Variants in VPS18 observed in about 807,000 individuals in gnomAD.
VPS18 encodes the protein VPS18 core subunit of CORVET and HOPS complexes.
VPS18 carries 25 observed loss-of-function variants against 82.0 expected under a neutral mutation model. That is an observed-to-expected ratio of 0.30 (90% CI 0.22 to 0.43). VPS18 has a LOEUF of 0.43. VPS18 is among the 20% of genes least tolerant of loss of function. VPS18 has a pLI of 1.00. For synonymous variants in VPS18, 523 were observed against 543.0 expected, an observed-to-expected ratio of 0.96 and a Z score of 0.51; for missense variants, 1,168 against 1,311.1, an observed-to-expected ratio of 0.89 and a Z score of 1.69.
In VPS18 at chr15:40,903,645, G is replaced by C. The variant is rs1315035880; in HGVS notation, c.*304G>C. 3.5e-6 allele frequency: 1 copy of C among 286,860 alleles called. No individual in the cohort carries two copies. The highest frequency in any genetic ancestry group is 2.2e-5 in the African/African-American group (1 of 45,742). The allele number at this position is 286,860 out of a possible 1,614,324, so 17.8% of individuals were successfully genotyped here. ...ACCCCCTGCCTCTAGCACCTCTTCT[G>C]TCCCTGTCATTCCCCACACACGTCC... On this transcript the variant is annotated 3_prime_UTR_variant, in exon 5 of 5. Transcript: ENST00000220509.
At position 40,899,670 on chromosome 15, in the gene VPS18, C is replaced by T. The variant is rs775470341; in HGVS notation, c.852C>T (p.Phe284=). The T allele has an allele frequency of 1.5e-5, 25 of 1,613,640 alleles. No homozygotes were observed. The highest frequency in any genetic ancestry group is 4.0e-5 in the African/African-American group (3 of 74,946). Residue 284 remains phenylalanine, a synonymous_variant, in exon 4 of 5, where the codon TTC becomes TTT. Transcript: ENST00000220509. The surrounding 1 kb of genome is among the most constrained non-coding windows in gnomAD (Gnocchi z 4.4). ...TPKLRSAPRA[F]AWMMGDGVLY... is the part of the protein sequence containing the mutation. ...AGCTGCGCTCCGCACCCCGGGCCTT[C>T]GCCTGGATGATGGGGGATGGTGTGT...
chr15:40,899,453 G>A lies in VPS18; in HGVS notation c.635G>A (p.Arg212Gln), dbSNP rs747757737. 1.5e-5 allele frequency: 24 copies of A among 1,607,072 alleles called. No homozygotes were observed. The highest frequency in any genetic ancestry group is 1.1e-4 in the South Asian group (10 of 90,794). Residue 212 changes from arginine to glutamine, a missense_variant, in exon 4 of 5, where the codon CGG becomes CAG. Arg to Gln is a conservative substitution (Grantham distance 43, BLOSUM62 1). Coordinates refer to ENST00000220509, the MANE Select transcript of VPS18 (RefSeq NM_020857.3). The surrounding 1 kb of genome is among the most constrained non-coding windows in gnomAD (Gnocchi z 4.4). The stretch of plus-strand genomic sequence containing the variant: ...CCTGTGTGCTCCCTTGAGGCCGAGC[G>A]GGGCCCTGATGGGCGTAGCTTTGTT... ...PAPVCSLEAE[R>Q]GPDGRSFVIA... is the part of the protein sequence containing the mutation.
chr15:40,897,423 GACACAT>G (rs2142036269), intron 2 of VPS18, among the ~76,000 whole-genome samples: 1 of 152,164 alleles, frequency 6.6e-6, no homozygotes, highest in South Asian at 2.1e-4. Context: ...TACAAATTAA[GACACAT>G]ACACATATGT....
At position 40,900,498 on chromosome 15, in the gene VPS18, A is replaced by G. The variant is rs1282115735; in HGVS notation, c.1680A>G (p.Ala560=). The G allele has an allele frequency of 6.2e-7, 1 of 1,614,118 alleles. No individual in the cohort carries two copies. Among genetic ancestry groups the G allele is most frequent in the South Asian group, 1.1e-5 (1 of 91,080 alleles). Residue 560 remains alanine (A), a synonymous_variant, in exon 4 of 5, where the codon GCA becomes GCG. Coordinates refer to ENST00000220509, the MANE Select transcript of VPS18 (RefSeq NM_020857.3). The surrounding 1 kb of genome is among the most constrained non-coding windows in gnomAD (Gnocchi z 5.4). ...ACACAGAACACATGGTGTACTTTGC[A>G]GTGATCATGCAGGACTATGAGCGGG... The part of the protein sequence containing the change: ...HGDTEHMVYF[A]VIMQDYERVV...
At chr15:40,897,567 ATTCT>A (rs1252725776) in intron 2 of VPS18, among the ~76,000 whole-genome samples, 14 of 152,352 alleles carry the variant, frequency 9.2e-5, no homozygotes, top group East Asian at 1.9e-4. Context: ...AAATTAAGTC[ATTCT>A]TTATACATCT....
In VPS18 at chr15:40,899,502, C is replaced by T. The variant is rs753918146; in HGVS notation, c.684C>T (p.Leu228=). The change falls in exon 4 of 5, where the codon CTC becomes CTT. Residue 228 remains leucine (L), a synonymous_variant. Coordinates refer to ENST00000220509, the MANE Select transcript of VPS18 (RefSeq NM_020857.3). The surrounding 1 kb of genome is among the most constrained non-coding windows in gnomAD (Gnocchi z 4.4). ...SFVIATTRQR[L]FQFIGRAAEG... ...TTATTGCCACCACTCGGCAGCGCCT[C>T]TTCCAGTTCATAGGCCGAGCAGCAG... is the stretch of plus-strand genomic sequence containing the variant. The T allele has an allele frequency of 3.1e-6, 5 of 1,611,606 alleles. No individual in the cohort carries two copies. In the African/African-American group the frequency reaches 6.7e-5, roughly 22 times the overall value.
chr15:40,899,739 C>T lies in VPS18; in HGVS notation c.921C>T (p.Ser307=), dbSNP rs781629270. The T allele has an allele frequency of 8.1e-6, 13 of 1,613,680 alleles. No homozygotes were observed. Among genetic ancestry groups the T allele is most frequent in the Admixed American group, 5.0e-5 (3 of 60,010 alleles). Residue 307 remains serine, a synonymous_variant, in exon 4 of 5, where the codon AGC becomes AGT. Transcript: ENST00000220509. The surrounding 1 kb of genome is among the most constrained non-coding windows in gnomAD (Gnocchi z 4.4). ...GTGGGCGCCCTGACTCTCTGCTGAGCGAGGAGCGAGTCTGGGAGTACCCAG... is the reference window on the plus strand; with the variant it reads ...GTGGGCGCCCTGACTCTCTGCTGAGTGAGGAGCGAGTCTGGGAGTACCCAG... ...LDCGRPDSLL[S]EERVWEYPEG... is the part of the protein sequence containing the mutation.
At chr15:40,898,250 G>T (rs774222543) in intron 2 of VPS18, among the ~76,000 whole-genome samples, 1 of 148,450 alleles carries the variant, frequency 6.7e-6, no homozygotes, top group South Asian at 2.1e-4. Context: ...CACCGCGCCC[G>T]GCCTTTTTTT....
chr15:40,899,057 G>A lies in VPS18; in HGVS notation c.325+59G>A. ...CTGGTCAGTCACTGCCTGGGTGGGT[G>A]GGCTCTGAGGGTGGTGTGGGGGCCA... On this transcript the variant is annotated intron_variant, in intron 3 of 4. Transcript: ENST00000220509. This position sits in a 1 kb window ranked among gnomAD's most constrained non-coding sequence, Gnocchi z 4.4. 1 of 1,603,640 alleles carries A rather than the reference G, an allele frequency of 6.2e-7. No homozygotes were observed. Among genetic ancestry groups the A allele is most frequent in the African/African-American group, 1.3e-5 (1 of 74,942 alleles).
intron 2 of VPS18, among the ~76,000 whole-genome samples, chr15:40,897,872 G>T (rs1406741071): frequency 6.6e-6 from 1 of 152,176 alleles, no homozygotes; most frequent in East Asian, 1.9e-4. Context: ...GAGCAGAGGG[G>T]AAAAACTTCT....
At position 40,899,991 on chromosome 15, in the gene VPS18, G is replaced by T. The variant is rs1892316837; in HGVS notation, c.1173G>T (p.Val391=). The T allele has an allele frequency of 6.2e-7, 1 of 1,614,076 alleles. No individual in the cohort carries two copies. The highest frequency in any genetic ancestry group is 1.1e-5 in the South Asian group (1 of 91,090). The change falls in exon 4 of 5, where the codon GTG becomes GTT. Residue 391 remains valine, a synonymous_variant. Transcript: ENST00000220509. The surrounding 1 kb of genome is among the most constrained non-coding windows in gnomAD (Gnocchi z 4.4). The part of the protein sequence containing the change: ...YTERAVFRYH[V]QREARDVWRT... ...AGCGGGCTGTCTTCCGCTACCACGT[G>T]CAACGGGAGGCCCGAGATGTCTGGC... is the stretch of plus-strand genomic sequence containing the variant.
rs1210959758 is a variant in VPS18 at position 40,902,642 on chromosome 15, T to C, written c.2223T>C (p.Cys741=). 1.2e-6 allele frequency: 2 copies of C among 1,613,848 alleles called. No individual in the cohort carries two copies. Among genetic ancestry groups the C allele is most frequent in the Non-Finnish European group, 8.5e-7 (1 of 1,179,894 alleles). Residue 741 remains cysteine (C), a synonymous_variant, in exon 5 of 5, where the codon TGT becomes TGC. Transcript: ENST00000220509. The surrounding 1 kb of genome is among the most constrained non-coding windows in gnomAD (Gnocchi z 4.2). ...TGGATGTGGACCTGGCCAAGCAGTG[T>C]GCAGACCTGCCTGAGGAGGATGAGG... ...LQVDVDLAKQ[C]ADLPEEDEEL... is the part of the protein sequence containing the mutation.
In VPS18 at chr15:40,903,436, C is replaced by G. The variant is rs1195876406; in HGVS notation, c.*95C>G. 1 of 1,472,498 alleles carries G rather than the reference C, an allele frequency of 6.8e-7. No homozygotes were observed. Among genetic ancestry groups the G allele is most frequent in the African/African-American group, 1.4e-5 (1 of 70,924 alleles). 91.2% of individuals were successfully genotyped at this position (1,472,498 alleles called of 1,614,324 possible). On this transcript the variant is annotated 3_prime_UTR_variant, in exon 5 of 5. Transcript: ENST00000220509. ...TCCTAGGCTCTGCTCAGTCATCTTG[C>G]AATTGCCACACTGTGACCACGTTGA...
Position 40,900,924 on chromosome 15 carries a change from G to A in VPS18, c.2106G>A (p.Arg702=). 1.2e-6 allele frequency: 2 copies of A among 1,613,522 alleles called. No homozygotes were observed. The highest frequency in any genetic ancestry group is 1.7e-6 in the Non-Finnish European group (2 of 1,180,042). Residue 702 remains arginine, a synonymous_variant, in exon 4 of 5, where the codon CGG becomes CGA. Coordinates refer to ENST00000220509, the MANE Select transcript of VPS18 (RefSeq NM_020857.3). The surrounding 1 kb of genome is among the most constrained non-coding windows in gnomAD (Gnocchi z 5.4). ...ATTACGACCTCAAGTATGCGCTGCGGCTCTGCGCCGAGCATGGCCACCACC... is the reference window on the plus strand; with the variant it reads ...ATTACGACCTCAAGTATGCGCTGCGACTCTGCGCCGAGCATGGCCACCACC... ...RVHYDLKYAL[R]LCAEHGHHRA... is the part of the protein sequence containing the mutation.
rs1296037124 is a variant in VPS18 at position 40,899,522 on chromosome 15, C to T, written c.704C>T (p.Ala235Val). 3.1e-6 allele frequency: 5 copies of T among 1,610,468 alleles called. No homozygotes were observed. Among genetic ancestry groups the T allele is most frequent in the Non-Finnish European group, 4.2e-6 (5 of 1,180,008 alleles). The change falls in exon 4 of 5, where the codon GCA (alanine) becomes GTA (valine). Residue 235 changes from alanine (A) to valine (V), a missense_variant. Ala to Val is a moderately conservative substitution (Grantham distance 64, BLOSUM62 0). Coordinates refer to ENST00000220509, the MANE Select transcript of VPS18 (RefSeq NM_020857.3). This position sits in a 1 kb window ranked among gnomAD's most constrained non-coding sequence, Gnocchi z 4.4. ...RQRLFQFIGR[A>V]AEGAEAQGFS... ...CGCCTCTTCCAGTTCATAGGCCGAG[C>T]AGCAGAGGGGGCTGAGGCCCAGGGT...
At position 40,896,040 on chromosome 15, in the gene VPS18, A is replaced by G; in HGVS notation, c.194A>G (p.Asn65Ser). ...ERITSLVVSSNQLCMSLGKDT... is the reference protein window; with the variant it reads ...ERITSLVVSSSQLCMSLGKDT... ...ATTACCAGTCTTGTCGTCTCCAGCA[A>G]TCAGCTGTGCATGAGCCTGGGCAAG... Residue 65 changes from asparagine (N) to serine (S), a missense_variant, in exon 2 of 5, where the codon AAT (asparagine) becomes AGT (serine). Asn to Ser is a conservative substitution (Grantham distance 46). Coordinates refer to ENST00000220509, the MANE Select transcript of VPS18 (RefSeq NM_020857.3). 1 of 1,614,230 alleles carries G rather than the reference A, an allele frequency of 6.2e-7. No homozygotes were observed. Among genetic ancestry groups the G allele is most frequent in the African/African-American group, 1.3e-5 (1 of 75,054 alleles).
At chr15:40,897,786 C>T (rs1424736474) in intron 2 of VPS18, among the ~76,000 whole-genome samples, 1 of 152,182 alleles carries the variant, frequency 6.6e-6, no homozygotes, top group Non-Finnish European at 1.5e-5. Flanking sequence ...CCTCAGCAAT[C>T]TGGGATATCT....
chr15:40,897,648 A>G (rs1483880743), intron 2 of VPS18, among the ~76,000 whole-genome samples: 3 of 152,250 alleles, frequency 2.0e-5, no homozygotes, highest in African/African-American at 7.2e-5. Flanking sequence ...AAATATAAAC[A>G]GGAGTACTTC....
In VPS18 at chr15:40,902,533, C is replaced by T. The variant is rs1292791009; in HGVS notation, c.2197-83C>T. 2 of 1,508,298 alleles carry T rather than the reference C, an allele frequency of 1.3e-6. No individual in the cohort carries two copies. The highest frequency in any genetic ancestry group is 1.4e-5 in the African/African-American group (1 of 72,234). 93.4% of individuals were successfully genotyped at this position (1,508,298 alleles called of 1,614,324 possible). ...AGTGCTGGGAATCCTGCCTCGGGGC[C>T]TCTCCTCGGCCATCTCTCTCTCCCA... is the stretch of plus-strand genomic sequence containing the variant. On this transcript the variant is annotated intron_variant, in intron 4 of 4. Transcript: ENST00000220509. The surrounding 1 kb of genome is among the most constrained non-coding windows in gnomAD (Gnocchi z 4.2).
Sources: gnomAD v4.1 joint callset for allele counts (sites outside exome capture counted in the v4.1 genomes callset) on GRCh38, gnomAD v4.1.1 for gene constraint, Gnocchi (gnomAD v3.1) non-coding constraint, MANE v1.5 for transcripts, NCBI Gene and HGNC (gene_info 2026-07-23, HGNC 2026-07-21) for gene names.